Variants in FER observed in about 807,000 individuals in gnomAD.
The protein encoded by FER is tyrosine-protein kinase Fer.
Under a neutral mutation model 111.0 loss-of-function variants are expected in FER, and 63 were observed. The ratio of observed to expected loss-of-function variants is 0.57; its 90% CI spans 0.46 to 0.70. The LOEUF is 0.70. Ranked by LOEUF, FER falls within the 30% of genes least tolerant of loss-of-function variation. The probability of loss-of-function intolerance (pLI) is 0.00; values close to 1 mark genes in which losing one functional copy is unlikely to be tolerated. For missense variants in FER, 914 were observed against 954.0 expected, an observed-to-expected ratio of 0.96 and a Z score of 0.55; for synonymous variants, 327 against 313.9, an observed-to-expected ratio of 1.04 and a Z score of -0.44.
At chr5:109,160,504 CA>C (rs888961270) in intron 17 of FER, among the ~76,000 whole-genome samples, 38 of 152,236 alleles carry the variant, frequency 2.5e-4, no homozygotes, top group African/African-American at 8.7e-4. Flanking sequence ...ACTTGCTGTG[CA>C]AAATACTATG....
intron 13 of FER, among the ~76,000 whole-genome samples, chr5:109,028,070 C>G (rs1021742706): frequency 3.3e-5 from 5 of 151,886 alleles, no homozygotes; most frequent in Admixed American, 3.3e-4. Context: ...TGTCATTTAT[C>G]TAGTGGAAAT....
intron 17 of FER, among the ~76,000 whole-genome samples, chr5:109,142,401 T>G (rs1753619576): frequency 6.6e-6 from 1 of 152,154 alleles, no homozygotes; most frequent in Non-Finnish European, 1.5e-5. Flanking sequence ...GGTGAGCCAC[T>G]GAACAGGTGT....
At chr5:109,100,263 C>A in intron 16 of FER, 133 bp from the exon 17 acceptor site, 1 of 1,011,442 alleles carries the variant, frequency 9.9e-7, no homozygotes, top group South Asian at 1.5e-5. Context: ...TCACGTCAAA[C>A]AAATTGGGCA....
chr5:109,103,793 A>G (rs902406937), intron 17 of FER, among the ~76,000 whole-genome samples: 2 of 152,138 alleles, frequency 1.3e-5, no homozygotes, highest in East Asian at 3.8e-4. Flanking sequence ...GAATACTCTG[A>G]TTTTGAAGTT....
intron 13 of FER, among the ~76,000 whole-genome samples, chr5:109,035,264 C>T (rs1463774444): frequency 6.6e-6 from 1 of 151,852 alleles, no homozygotes; most frequent in Non-Finnish European, 1.5e-5. Flanking sequence ...TTTTTATAAC[C>T]CCCCGCAAAG....
At chr5:109,185,237 A>G (rs1407641847) in intron 18 of FER, among the ~76,000 whole-genome samples, 1 of 152,208 alleles carries the variant, frequency 6.6e-6, no homozygotes, top group African/African-American at 2.4e-5. Context: ...GTAGCTCAGT[A>G]AAACAGGTGC....
intron 13 of FER, among the ~76,000 whole-genome samples, chr5:109,001,665 A>G (rs1272825415): frequency 1.3e-5 from 2 of 152,224 alleles, no homozygotes; most frequent in East Asian, 3.8e-4. Flanking sequence ...AATAAAGGGC[A>G]TTCAATTAGG....
At chr5:108,935,862 A>G (rs1249511967) in intron 10 of FER, among the ~76,000 whole-genome samples, 1 of 152,094 alleles carries the variant, frequency 6.6e-6, no homozygotes, top group East Asian at 1.9e-4. Context: ...TTACGTCTGT[A>G]TTATGAGACC....
chr5:109,125,261 G>A (rs1386541894), intron 17 of FER, among the ~76,000 whole-genome samples: 2 of 151,796 alleles, frequency 1.3e-5, no homozygotes, highest in Non-Finnish European at 2.9e-5. Flanking sequence ...ACATTTTTGT[G>A]AAGTATTACA....
intron 1 of FER, among the ~76,000 whole-genome samples, chr5:108,752,807 A>G (rs975881381): frequency 2.6e-5 from 4 of 152,100 alleles, no homozygotes; most frequent in Non-Finnish European, 5.9e-5. Context: ...AAAAATATTC[A>G]TATCAGACAA....
At chr5:109,159,135 T>C (rs1263911415) in intron 17 of FER, among the ~76,000 whole-genome samples, 1 of 152,196 alleles carries the variant, frequency 6.6e-6, no homozygotes, top group Non-Finnish European at 1.5e-5. Flanking sequence ...TAAAAGCTAC[T>C]CTTCTCCCTA....
At chr5:109,158,441 T>C (rs1328990049) in intron 17 of FER, among the ~76,000 whole-genome samples, 1 of 152,080 alleles carries the variant, frequency 6.6e-6, no homozygotes, top group Non-Finnish European at 1.5e-5. Flanking sequence ...ATATTTTATA[T>C]AAAGAAGCTG....
chr5:108,965,386 C>T (rs561981892), intron 13 of FER, among the ~76,000 whole-genome samples: 5 of 151,970 alleles, frequency 3.3e-5, no homozygotes, highest in African/African-American at 9.7e-5. Context: ...TGCAAAATAG[C>T]GTATAGTTTT....
At chr5:109,132,991 G>A (rs973015321) in intron 17 of FER, among the ~76,000 whole-genome samples, 1 of 152,176 alleles carries the variant, frequency 6.6e-6, no homozygotes, top group South Asian at 2.1e-4. Context: ...CAAAGCATGT[G>A]TCCTCATATG....
intron 5 of FER, among the ~76,000 whole-genome samples, chr5:108,855,685 T>G (rs1762943049): frequency 6.6e-6 from 1 of 151,972 alleles, no homozygotes; most frequent in African/African-American, 2.4e-5. Flanking sequence ...GAAGATAGGT[T>G]TCAAGGAAGA....
intron 11 of FER, among the ~76,000 whole-genome samples, chr5:108,952,433 T>C (rs1018097473): frequency 6.6e-6 from 1 of 152,090 alleles, no homozygotes; most frequent in Non-Finnish European, 1.5e-5. Flanking sequence ...AGACCTGATA[T>C]ACCCAGGCAG....
Position 109,004,083 on chromosome 5 carries a change from A to T in FER, c.1657-33339A>T, listed in dbSNP as rs147673832. Among the ~76,000 whole-genome samples, 121 of 152,364 alleles carry T rather than the reference A, an allele frequency of 7.9e-4. 1 individual carries two copies. Among genetic ancestry groups the T allele is most frequent in the African/African-American group, 2.8e-3 (115 of 41,580 alleles). On this transcript the variant is annotated intron_variant, in intron 13 of 19. Transcript: ENST00000281092. Reference sequence around the variant, plus strand: ...GTCATTGCTAATAATGGTATGAGGAAGTGAGCACTCTCATACTCTGCTGAT... The same window carrying T: ...GTCATTGCTAATAATGGTATGAGGATGTGAGCACTCTCATACTCTGCTGAT...
intron 10 of FER, chr5:108,924,555 C>T: frequency 8.3e-7 from 1 of 1,200,386 alleles, no homozygotes; most frequent in Non-Finnish European, 1.0e-6. Context: ...ATAGGAGATC[C>T]AGATTTGCAC....
At chr5:108,959,162 A>T in intron 12 of FER, 63 bp from the exon 13 acceptor site, 1 of 1,527,424 alleles carries the variant, frequency 6.5e-7, no homozygotes, top group Non-Finnish European at 8.9e-7. Flanking sequence ...TAATTTATCA[A>T]TGAATGTAGA....
Sources: allele counts gnomAD v4.1 joint callset (sites outside exome capture counted in the v4.1 genomes callset), GRCh38; gene constraint gnomAD v4.1.1; transcripts MANE v1.5; gene names NCBI Gene and HGNC (gene_info 2026-07-23, HGNC 2026-07-21).